The following SLC47A2 variants were observed in gnomAD, a reference collection of about 807,000 sequenced individuals.
SLC47A2 encodes the protein solute carrier family 47 member 2, also known as multidrug and toxin extrusion protein 2.
SLC47A2 carries 52 observed loss-of-function variants against 67.7 expected under a neutral mutation model. The observed-to-expected ratio is 0.77, with a 90% confidence interval of 0.61 to 0.97. The LOEUF is 0.97. Among genes scored for constraint, SLC47A2 ranks in the 50% least tolerant of loss-of-function variants. SLC47A2 has a pLI of 0.00. For missense variants in SLC47A2, 676 were observed against 712.3 expected (o/e 0.95, Z 0.58); for synonymous variants, 278 against 292.9 (o/e 0.95, Z 0.52).
intron 5 of SLC47A2, among the ~76,000 whole-genome samples, chr17:19,708,962 C>G (rs1346013994): frequency 6.6e-6 from 1 of 152,224 alleles, no homozygotes; most frequent in Non-Finnish European, 1.5e-5. Flanking sequence ...GGAAGAGGCC[C>G]CCTCAGGGCT....
intron 5 of SLC47A2, 132 bp downstream of exon 5, chr17:19,712,571 T>A: frequency 1.1e-6 from 1 of 875,880 alleles, no homozygotes; most frequent in Non-Finnish European, 1.8e-6. Context: ...ACGGGAACTT[T>A]TGTCAGTCAC....
In SLC47A2 at chr17:19,685,681, T is replaced by C. The variant is rs1349400110; in HGVS notation, c.1165-4011A>G. Among the ~76,000 whole-genome samples the C allele has an allele frequency of 6.6e-6, 1 of 152,206 alleles. No individual in the cohort carries two copies. The highest frequency in any genetic ancestry group is 1.5e-5 in the Non-Finnish European group (1 of 68,032). ...AACAGGGCCGAAGGCCGCAGGGACC[T>C]CTGCCTAGGAAAACCAGAGACCTTT... On this transcript the variant is annotated intron_variant, in intron 13 of 16. Transcript: ENST00000433844. The surrounding 1 kb of genome is among the most constrained non-coding windows in gnomAD (Gnocchi z 4.5).
chr17:19,693,635 T>A (rs556271130), intron 13 of SLC47A2, among the ~76,000 whole-genome samples: 46 of 138,448 alleles, frequency 3.3e-4, no homozygotes, highest in African/African-American at 1.1e-3. Flanking sequence ...ATAATAATAA[T>A]AAATAAATAA....
At chr17:19,706,406 C>T (rs770103439) in intron 9 of SLC47A2, among the ~76,000 whole-genome samples, 98 of 152,354 alleles carry the variant, frequency 6.4e-4, no homozygotes, top group Non-Finnish European at 1.1e-3. Flanking sequence ...CCAAGTCTGC[C>T]TCCTGGATGC....
At chr17:19,701,167 CAAAAA>C (rs35086555) in intron 13 of SLC47A2, among the ~76,000 whole-genome samples, 9 of 64,950 alleles carry the variant, frequency 1.4e-4, no homozygotes, top group Non-Finnish European at 1.7e-4. Flanking sequence ...GACTCTGTCT[CAAAAA>C]AAAAAAAAAA....
intron 13 of SLC47A2, among the ~76,000 whole-genome samples, chr17:19,693,803 A>G (rs896673473): frequency 1.3e-5 from 2 of 152,076 alleles, no homozygotes; most frequent in Non-Finnish European, 2.9e-5. Flanking sequence ...GTCTCAGAAC[A>G]AAACAAAACA....
intron 13 of SLC47A2, chr17:19,702,045 G>T (rs1007993888): frequency 2.5e-6 from 2 of 790,028 alleles, no homozygotes; most frequent in African/African-American, 3.8e-5. Context: ...GGAGGTTGAG[G>T]CTGCAGTGAG....
chr17:19,691,439 C>CA (rs1378560294), intron 13 of SLC47A2, among the ~76,000 whole-genome samples: 6 of 152,198 alleles, frequency 3.9e-5, no homozygotes, highest in Non-Finnish European at 8.8e-5. Flanking sequence ...AGGATCCTGT[C>CA]ACTTGCAACA....
rs893982186 is a variant in SLC47A2 at position 19,685,185 on chromosome 17, G to A, written c.1165-3515C>T. On this transcript the variant is annotated intron_variant, in intron 13 of 16. Transcript: ENST00000433844. This position sits in a 1 kb window ranked among gnomAD's most constrained non-coding sequence, Gnocchi z 4.5. ...GGCTGGAGTGCAGTGGCGTGATCTC[G>A]GCTTGCTACAACCTCCATCTCCCAG... Among the ~76,000 whole-genome samples, 9 of 152,070 alleles carry A rather than the reference G, an allele frequency of 5.9e-5. No individual in the cohort carries two copies. The highest frequency in any genetic ancestry group is 1.9e-4 in the African/African-American group (8 of 41,408).
Position 19,708,529 on chromosome 17 carries a change from C to G in SLC47A2, c.532-130G>C, listed in dbSNP as rs201224197. 8.7e-6 allele frequency: 14 copies of G among 1,612,942 alleles called. No homozygotes were observed. The African/African-American group carries it at 1.7e-4, about 20-fold the overall frequency. Reference sequence around the variant, plus strand: ...ATCCCTGTTGAGGAGTTGGAAGAGGCTGGGACGCACAGCCTCTCACCTGCC... The same window carrying G: ...ATCCCTGTTGAGGAGTTGGAAGAGGGTGGGACGCACAGCCTCTCACCTGCC... On this transcript the variant is annotated intron_variant, in intron 6 of 16. Transcript: ENST00000433844.
chr17:19,712,220 T>G (rs2086119765), intron 5 of SLC47A2, among the ~76,000 whole-genome samples: 1 of 152,104 alleles, frequency 6.6e-6, no homozygotes, highest in South Asian at 2.1e-4. Flanking sequence ...ACTCCATCTC[T>G]ACTAAAAAAT....
Position 19,713,867 on chromosome 17 carries a change from T to C in SLC47A2, c.401A>G (p.Gln134Arg), listed in dbSNP as rs1232919578. 6.2e-7 allele frequency: 1 copy of C among 1,613,554 alleles called. No homozygotes were observed. ...CTGCCGGAAGAGCAGCAGGATGTGC[T>C]GGGTGTTGAGGAAGAGCGCCCAGCA... ...LPCWALFLNT[Q>R]HILLLFRQDP... The change falls in exon 4 of 17, where the codon CAG becomes CGG. Residue 134 changes from glutamine (Q) to arginine (R), a missense_variant. By Grantham distance (43) the Gln-to-Arg change is conservative. Coordinates refer to ENST00000433844, the MANE Select transcript of SLC47A2 (RefSeq NM_001099646.3).
At chr17:19,695,481 T>TAA (rs78650311) in intron 13 of SLC47A2, among the ~76,000 whole-genome samples, 3 of 74,630 alleles carry the variant, frequency 4.0e-5, no homozygotes, top group African/African-American at 5.8e-5. Context: ...AGACCTGTCT[T>TAA]AAAAAAAAAA....
intron 13 of SLC47A2, among the ~76,000 whole-genome samples, chr17:19,690,101 C>A (rs1597599874): frequency 6.6e-6 from 1 of 152,038 alleles, no homozygotes; most frequent in Non-Finnish European, 1.5e-5. Flanking sequence ...GAATAGAGAA[C>A]CCAGAAGTAA....
In SLC47A2 at chr17:19,708,347, C is replaced by G; in HGVS notation, c.584G>C (p.Gly195Ala). ...LSGVVGNCVN[G>A]VANYALVSVL... ...AGAAACCAGGGCATAGTTGGCCACA[C>G]CGTTGACACAGTTGCCCACCACACC... Residue 195 changes from glycine (G) to alanine (A), a missense_variant, in exon 7 of 17, where the codon GGT becomes GCT. Physicochemically the swap from Gly to Ala is moderately conservative, Grantham distance 60. Transcript: ENST00000433844. The G allele has an allele frequency of 6.2e-7, 1 of 1,613,822 alleles. No homozygotes were observed.
chr17:19,705,225 G>A, intron 10 of SLC47A2: 1 of 496,994 alleles, frequency 2.0e-6, no homozygotes, highest in African/African-American at 2.0e-5. Context: ...ACATCTGTGA[G>A]TGAAATATCA....
chr17:19,706,834 A>G (rs2085953200), intron 8 of SLC47A2, 73 bp from the exon 9 acceptor site: 2 of 1,222,562 alleles, frequency 1.6e-6, no homozygotes, highest in Non-Finnish European at 2.3e-6. Context: ...CACTGCCAGG[A>G]GGCCCCTAAA....
At chr17:19,690,197 C>A (rs2085510211) in intron 13 of SLC47A2, among the ~76,000 whole-genome samples, 1 of 152,044 alleles carries the variant, frequency 6.6e-6, no homozygotes, top group Non-Finnish European at 1.5e-5. Context: ...ATAAATAATG[C>A]CAGGAAAACT....
At chr17:19,695,727 C>CTTT (rs879507702) in intron 13 of SLC47A2, among the ~76,000 whole-genome samples, 1 of 141,686 alleles carries the variant, frequency 7.1e-6, no homozygotes, top group Non-Finnish European at 1.6e-5. Flanking sequence ...ACTGAAATTC[C>CTTT]TTTTTTTTTT....
Sources: gnomAD v4.1 joint callset for allele counts (sites outside exome capture counted in the v4.1 genomes callset) on GRCh38, gnomAD v4.1.1 for gene constraint, Gnocchi (gnomAD v3.1) non-coding constraint, MANE v1.5 for transcripts, NCBI Gene and HGNC (gene_info 2026-07-23, HGNC 2026-07-21) for gene names.